The following ACTR2 variants were observed in gnomAD, a reference collection of about 807,000 sequenced individuals.
The protein encoded by ACTR2 is actin related protein 2, also known as actin-related protein 2.
A neutral mutation model predicts 50.2 loss-of-function variants in ACTR2; 5 were observed. The observed-to-expected ratio is 0.10, with a 90% confidence interval of 0.05 to 0.21. The LOEUF (loss-of-function observed/expected upper bound fraction) is 0.21, where lower values mean the gene tolerates loss of function less well. Ranked by LOEUF, ACTR2 falls within the 10% of genes least tolerant of loss-of-function variation. ACTR2 has a pLI of 1.00. For missense variants in ACTR2, 180 were observed against 480.6 expected (o/e 0.37, Z 5.85); for synonymous variants, 140 against 162.9 (o/e 0.86, Z 1.07).
Position 65,265,079 on chromosome 2 carries a change from G to A in ACTR2, c.918G>A (p.Gly306=), listed in dbSNP as rs771317858. 2 of 1,614,152 alleles carry A rather than the reference G, an allele frequency of 1.2e-6. No individual in the cohort carries two copies. Among genetic ancestry groups the A allele is most frequent in the East Asian group, 4.5e-5 (2 of 44,880 alleles). The change falls in exon 8 of 9, where the codon GGG becomes GGA. Residue 306 remains glycine, a synonymous_variant. Transcript: ENST00000260641. The part of the protein sequence containing the change: ...EFYKHIVLSG[G]STMYPGLPSR... Reference sequence around the variant, plus strand: ...ACAAACACATTGTGCTTTCTGGAGGGTCTACTATGTATCCTGGCCTGCCAT... The same window carrying A: ...ACAAACACATTGTGCTTTCTGGAGGATCTACTATGTATCCTGGCCTGCCAT...
chr2:65,241,928 C>T, intron 2 of ACTR2: 2 of 1,320,904 alleles, frequency 1.5e-6, no homozygotes, highest in Non-Finnish European at 2.1e-6. Flanking sequence ...TGCATCTGAC[C>T]TCAACCTAAT....
intron 7 of ACTR2, among the ~76,000 whole-genome samples, chr2:65,262,228 TTTG>T (rs1159176610): frequency 1.3e-5 from 2 of 152,088 alleles, no homozygotes; most frequent in African/African-American, 4.8e-5. Context: ...AGAAACTTCT[TTTG>T]TTGTTGTTTG....
At chr2:65,250,393 G>A (rs569780605) in intron 3 of ACTR2, among the ~76,000 whole-genome samples, 1 of 149,404 alleles carries the variant, frequency 6.7e-6, no homozygotes, top group East Asian at 2.0e-4. Flanking sequence ...ATATTTCCCT[G>A]GCTGGATGTG....
chr2:65,235,021 G>A (rs1343641413), intron 1 of ACTR2, among the ~76,000 whole-genome samples: 4 of 152,044 alleles, frequency 2.6e-5, no homozygotes, highest in South Asian at 2.1e-4. Context: ...TTAGGCTGGC[G>A]ATCATGACAG....
At chr2:65,239,125 G>C (rs1671794530) in intron 1 of ACTR2, among the ~76,000 whole-genome samples, 1 of 152,180 alleles carries the variant, frequency 6.6e-6, no homozygotes, top group Non-Finnish European at 1.5e-5. Flanking sequence ...TGAAGCTTTA[G>C]TTCTGTTCAT....
intron 1 of ACTR2, among the ~76,000 whole-genome samples, chr2:65,239,490 G>C (rs1029869567): frequency 3.9e-5 from 6 of 152,192 alleles, no homozygotes; most frequent in Non-Finnish European, 8.8e-5. Flanking sequence ...CATTTGTTCA[G>C]CGAATTTGTC....
At chr2:65,233,361 T>C (rs1335125792) in intron 1 of ACTR2, among the ~76,000 whole-genome samples, 5 of 151,748 alleles carry the variant, frequency 3.3e-5, no homozygotes, top group Non-Finnish European at 4.4e-5. Context: ...TTTTATATTA[T>C]TGAAAAATTG....
chr2:65,254,982 G>C (rs62142478), intron 5 of ACTR2, among the ~76,000 whole-genome samples: 33,305 of 151,752 alleles, frequency 0.22, 4,005 homozygotes, highest in Middle Eastern at 0.33. Context: ...TTTTCTCTCA[G>C]TGGGTTTTTA....
intron 1 of ACTR2, among the ~76,000 whole-genome samples, chr2:65,230,547 G>A (rs1018159900): frequency 1.3e-5 from 2 of 151,684 alleles, no homozygotes; most frequent in African/African-American, 4.8e-5. Flanking sequence ...GAGTAGCTGG[G>A]ACTACAGGCT....
chr2:65,266,127 C>G (rs1672368456), intron 8 of ACTR2, among the ~76,000 whole-genome samples: 1 of 152,150 alleles, frequency 6.6e-6, no homozygotes, highest in Non-Finnish European at 1.5e-5. Context: ...AGACATAGGT[C>G]TAGGTGCCGG....
intron 3 of ACTR2, 49 bp downstream of exon 3, chr2:65,246,788 T>G (rs1671946111): frequency 1.6e-6 from 2 of 1,254,706 alleles, no homozygotes; most frequent in African/African-American, 3.3e-5. Flanking sequence ...TGATATTATG[T>G]TAAATCAAAA....
At chr2:65,248,612 G>C (rs1190029587) in intron 3 of ACTR2, among the ~76,000 whole-genome samples, 3 of 152,126 alleles carry the variant, frequency 2.0e-5, no homozygotes, top group Non-Finnish European at 4.4e-5. Context: ...GAAATTACCA[G>C]ATTATAGGTC....
Position 65,269,911 on chromosome 2 carries a change from A to G in ACTR2, c.*1177A>G, listed in dbSNP as rs1250248845. 2 of 152,244 alleles carry G rather than the reference A, an allele frequency of 1.3e-5. No homozygotes were observed. Among genetic ancestry groups the G allele is most frequent in the East Asian group, 1.9e-4 (1 of 5,202 alleles). 9.4% of individuals were successfully genotyped at this position (152,244 alleles called of 1,614,324 possible). A position where few individuals can be genotyped will look rare whatever the true frequency, so the allele number is the denominator to read the frequency against. On this transcript the variant is annotated 3_prime_UTR_variant, in exon 9 of 9. Coordinates refer to ENST00000260641, the MANE Select transcript of ACTR2 (RefSeq NM_005722.4). Reference sequence around the variant, plus strand: ...GTTTAAAATGTTGGCCAAAAAAATCAAGATTTAATTTTTTTATTTGTACTG... The same window carrying G: ...GTTTAAAATGTTGGCCAAAAAAATCGAGATTTAATTTTTTTATTTGTACTG...
At chr2:65,235,729 T>G (rs1161522824) in intron 1 of ACTR2, among the ~76,000 whole-genome samples, 1 of 152,150 alleles carries the variant, frequency 6.6e-6, no homozygotes, top group Non-Finnish European at 1.5e-5. Flanking sequence ...CACTCCAGCC[T>G]GGATGACCGA....
chr2:65,250,999 G>A (rs779162322), intron 3 of ACTR2, 28 bp from the exon 4 acceptor site: 1 of 1,530,240 alleles, frequency 6.5e-7, no homozygotes, highest in Non-Finnish European at 8.9e-7. Flanking sequence ...CTAAATACCA[G>A]TTTTTTTCTT....
At chr2:65,246,408 C>G in intron 2 of ACTR2, 116 bp from the exon 3 acceptor site, 1 of 728,960 alleles carries the variant, frequency 1.4e-6, no homozygotes, top group Non-Finnish European at 2.2e-6. Flanking sequence ...GATTTTCTAA[C>G]TTGTGGAATA....
In ACTR2 at chr2:65,253,804, C is replaced by G. The variant is rs764368291; in HGVS notation, c.525C>G (p.Leu175=). ...HICPVYEGFS[L]PHLTRRLDIA... ...GCCCAGTATATGAAGGCTTTTCTCT[C>G]CCTCATCTTACCAGGAGACTGGATA... Residue 175 remains leucine, a synonymous_variant, in exon 5 of 9, where the codon CTC becomes CTG. Coordinates refer to ENST00000260641, the MANE Select transcript of ACTR2 (RefSeq NM_005722.4). 3.7e-6 allele frequency: 6 copies of G among 1,613,504 alleles called. No homozygotes were observed. In the South Asian group the frequency reaches 5.5e-5, roughly 15 times the overall value.
chr2:65,233,214 C>G (rs1483760114), intron 1 of ACTR2, among the ~76,000 whole-genome samples: 1 of 152,014 alleles, frequency 6.6e-6, no homozygotes, highest in Non-Finnish European at 1.5e-5. Flanking sequence ...AGGCTGGTCT[C>G]CAACTCCTGA....
At chr2:65,268,095 C>G (rs1187484485) in intron 8 of ACTR2, among the ~76,000 whole-genome samples, 4 of 151,990 alleles carry the variant, frequency 2.6e-5, no homozygotes, top group African/African-American at 9.6e-5. Flanking sequence ...CCTTGGCCTC[C>G]CAAAGTGCTG....
Sources: gnomAD v4.1 joint callset for allele counts (sites outside exome capture counted in the v4.1 genomes callset) on GRCh38, gnomAD v4.1.1 for gene constraint, MANE v1.5 for transcripts, NCBI Gene and HGNC (gene_info 2026-07-23, HGNC 2026-07-21) for gene names.